The following LRRC49 variants were observed in gnomAD, a reference collection of about 807,000 sequenced individuals.
The protein encoded by LRRC49 is leucine rich repeat containing 49.
In LRRC49, 50 loss-of-function variants were observed where a neutral mutation model predicts 83.3. The observed-to-expected ratio is 0.60, with a 90% confidence interval of 0.48 to 0.76. LRRC49 has a LOEUF of 0.76. LRRC49 is among the 30% of genes least tolerant of loss of function. The pLI, the probability that LRRC49 is intolerant of heterozygous loss-of-function variation, is 0.00. For synonymous variants in LRRC49, 286 were observed against 283.3 expected (o/e 1.01, Z -0.10); for missense variants, 704 against 809.1 (o/e 0.87, Z 1.58).
At chr15:70,923,511 A>G (rs1240493518) in intron 7 of LRRC49, among the ~76,000 whole-genome samples, 1 of 151,986 alleles carries the variant, frequency 6.6e-6, no homozygotes, top group Non-Finnish European at 1.5e-5. Context: ...AGCATGGGCT[A>G]TATGCCAGGC....
At chr15:70,869,245 AAC>A (rs1567030347) in intron 1 of LRRC49, among the ~76,000 whole-genome samples, 1 of 152,224 alleles carries the variant, frequency 6.6e-6, no homozygotes, top group Non-Finnish European at 1.5e-5. Context: ...CAACTAAGGA[AAC>A]ACACTGACAT....
Position 70,959,585 on chromosome 15 carries a change from GGAAGGAAGGAAGGA to G in LRRC49, c.774-4199_774-4186del, listed in dbSNP as rs1567070862. 4.6e-3 allele frequency among the ~76,000 whole-genome samples: 656 copies of G among 143,794 alleles called. 8 individuals carry two copies. The highest frequency in any genetic ancestry group is 0.016 in the African/African-American group (629 of 39,318). 94.3% of individuals were successfully genotyped at this position (143,794 alleles called of 152,430 possible). On this transcript the variant is annotated intron_variant, in intron 8 of 15. Transcript: ENST00000260382. The stretch of plus-strand genomic sequence containing the variant: ...AGGAAGGAAGGAAGGAAGGAAGGAA[GGAAGGAAGGAAGGA>G]AGGGAGGGAAATTCCAGTCAAAATC...
intron 11 of LRRC49, among the ~76,000 whole-genome samples, chr15:70,991,498 T>C (rs1260430607): frequency 6.6e-6 from 1 of 152,206 alleles, no homozygotes; most frequent in Non-Finnish European, 1.5e-5. Flanking sequence ...TTAAATAGTA[T>C]TTAATACAGT....
Position 71,010,024 on chromosome 15 carries a change from A to T in LRRC49, c.1593+32A>T, listed in dbSNP as rs554001086. 244 of 1,311,252 alleles carry T rather than the reference A, an allele frequency of 1.9e-4. 3 individuals are homozygous for T. The South Asian group carries it at 2.9e-3, about 15-fold the overall frequency. The allele number at this position is 1,311,252 out of a possible 1,614,324, so 81.2% of individuals were successfully genotyped here. A position where few individuals can be genotyped will look rare whatever the true frequency, so the allele number is the denominator to read the frequency against. On this transcript the variant is annotated intron_variant, in intron 13 of 15. Coordinates refer to ENST00000260382, the MANE Select transcript of LRRC49 (RefSeq NM_017691.5). ...TAAAAACTAGATGAACTATAGAATA[A>T]AAATATTCCTTCTTAGTGAAAATAG...
chr15:71,008,834 C>T (rs890387544), intron 12 of LRRC49, among the ~76,000 whole-genome samples: 1 of 151,720 alleles, frequency 6.6e-6, no homozygotes, highest in African/African-American at 2.4e-5. Flanking sequence ...AAAAAATGAT[C>T]CTTTGTGGAG....
At chr15:70,987,128 A>G (rs1326721360) in intron 11 of LRRC49, among the ~76,000 whole-genome samples, 2 of 152,198 alleles carry the variant, frequency 1.3e-5, no homozygotes, top group African/African-American at 4.8e-5. Context: ...CGGCTTTGGT[A>G]TCAGGATGAT....
At chr15:71,028,807 TTATTGTGTC>T (rs1381899050) in intron 14 of LRRC49, among the ~76,000 whole-genome samples, 2 of 152,156 alleles carry the variant, frequency 1.3e-5, no homozygotes, top group Non-Finnish European at 2.9e-5. Context: ...TTATCATTTT[TTATTGTGTC>T]TATTTGATTC....
chr15:70,867,616 T>C (rs2032940580), intron 1 of LRRC49, among the ~76,000 whole-genome samples: 1 of 152,212 alleles, frequency 6.6e-6, no homozygotes, highest in South Asian at 2.1e-4. Flanking sequence ...CCTCACACTG[T>C]CAGACTCCAA....
At chr15:70,982,248 C>A (rs2141224221) in intron 10 of LRRC49, among the ~76,000 whole-genome samples, 1 of 152,202 alleles carries the variant, frequency 6.6e-6, no homozygotes, top group Middle Eastern at 3.4e-3. Flanking sequence ...CCTACCCCTG[C>A]CAGCCAGAAA....
chr15:71,007,711 A>G (rs1279239295), intron 11 of LRRC49, among the ~76,000 whole-genome samples: 5 of 376 alleles, frequency 0.013, no homozygotes, highest in African/African-American at 0.023. Flanking sequence ...AGAAGCATGT[A>G]TATATATATA....
intron 1 of LRRC49, chr15:70,893,154 C>T (rs2033661658): frequency 1.1e-5 from 7 of 619,056 alleles, no homozygotes; most frequent in Admixed American, 2.8e-5. Flanking sequence ...ATCTGGGCTC[C>T]CCAGAAGGTG....
chr15:70,900,587 T>A lies in LRRC49; in HGVS notation c.194-335T>A, dbSNP rs1487714564. 6.5e-6 allele frequency: 3 copies of A among 459,314 alleles called. No homozygotes were observed. The East Asian group carries it at 2.1e-4, about 32-fold the overall frequency. 28.5% of individuals were successfully genotyped at this position (459,314 alleles called of 1,614,324 possible). On this transcript the variant is annotated intron_variant, in intron 3 of 15. Coordinates refer to ENST00000260382, the MANE Select transcript of LRRC49 (RefSeq NM_017691.5). The stretch of plus-strand genomic sequence containing the variant: ...GTGCTGGCCCAAATATATCTGGTAA[T>A]GAGGAACTATCATTTTAGTTATAGA...
At chr15:70,960,969 G>A (rs986725041) in intron 8 of LRRC49, among the ~76,000 whole-genome samples, 1 of 152,036 alleles carries the variant, frequency 6.6e-6, no homozygotes, top group Non-Finnish European at 1.5e-5. Context: ...TTCTGTGAAA[G>A]ACACTGTTAA....
At chr15:70,932,033 A>G (rs1285270542) in intron 7 of LRRC49, among the ~76,000 whole-genome samples, 4 of 152,204 alleles carry the variant, frequency 2.6e-5, no homozygotes, top group Non-Finnish European at 5.9e-5. Context: ...TTCCCTAATT[A>G]GTCAGCATAT....
intron 7 of LRRC49, among the ~76,000 whole-genome samples, chr15:70,932,949 C>T (rs1334050065): frequency 3.9e-5 from 6 of 152,052 alleles, no homozygotes; most frequent in South Asian, 2.1e-4. Context: ...AGGCTGGTCT[C>T]GAACTCCTGA....
intron 12 of LRRC49, 77 bp downstream of exon 12, chr15:71,008,693 A>T: frequency 1.0e-6 from 1 of 997,648 alleles, no homozygotes; most frequent in Non-Finnish European, 1.5e-6. Context: ...GACCTGTTTT[A>T]ACTTGTATTT....
At chr15:70,969,249 C>A (rs1249981387) in intron 9 of LRRC49, among the ~76,000 whole-genome samples, 1 of 152,108 alleles carries the variant, frequency 6.6e-6, no homozygotes, top group African/African-American at 2.4e-5. Context: ...AATCCTTTAC[C>A]CATTGCTTGT....
At chr15:70,998,999 T>C (rs2038169670) in intron 11 of LRRC49, among the ~76,000 whole-genome samples, 1 of 152,208 alleles carries the variant, frequency 6.6e-6, no homozygotes, top group Non-Finnish European at 1.5e-5. Flanking sequence ...TCAGTTATTG[T>C]ACTTTTCAAC....
upstream of LRRC49, chr15:70,892,381 T>A: frequency 6.5e-7 from 1 of 1,545,770 alleles, no homozygotes; most frequent in Non-Finnish European, 8.7e-7. Context: ...ACCTGTCCAC[T>A]CCGGGTCGGG....
Sources: gnomAD v4.1 joint callset for allele counts (sites outside exome capture counted in the v4.1 genomes callset) on GRCh38, gnomAD v4.1.1 for gene constraint, MANE v1.5 for transcripts, NCBI Gene and HGNC (gene_info 2026-07-23, HGNC 2026-07-21) for gene names.